Variants in NDUFAF6 observed in about 807,000 individuals in gnomAD.
NDUFAF6 encodes the protein NADH:ubiquinone oxidoreductase complex assembly factor 6.
Under a neutral mutation model 40.8 loss-of-function variants are expected in NDUFAF6, and 45 were observed. That is an observed-to-expected ratio of 1.10 (90% CI 0.87 to 1.42). NDUFAF6 has a LOEUF of 1.42. Among genes scored for constraint, NDUFAF6 ranks in the 40% most tolerant of loss-of-function variants. The pLI is 0.00. For missense variants in NDUFAF6, 435 were observed against 418.5 expected (o/e 1.04, Z -0.34); for synonymous variants, 185 against 155.9 (o/e 1.19, Z -1.39).
intron 2 of NDUFAF6, chr8:95,034,259 C>T: frequency 3.0e-6 from 1 of 333,146 alleles, no homozygotes; most frequent in South Asian, 2.4e-5. Context: ...TATCATGACC[C>T]TTATCGCTAT....
chr8:95,087,216 A>G (rs1809079863), intron 2 of NDUFAF6, among the ~76,000 whole-genome samples: 1 of 152,164 alleles, frequency 6.6e-6, no homozygotes, highest in African/African-American at 2.4e-5. Flanking sequence ...AGATCTGCAA[A>G]TACAACTTTT....
chr8:95,015,905 A>G (rs1174353428), intron 2 of NDUFAF6, among the ~76,000 whole-genome samples: 1 of 151,684 alleles, frequency 6.6e-6, no homozygotes, highest in Non-Finnish European at 1.5e-5. Context: ...AGCCAGATCA[A>G]GAATGAGAAA....
intron 1 of NDUFAF6, among the ~76,000 whole-genome samples, chr8:94,936,470 C>CG (rs1177335720): frequency 6.6e-6 from 1 of 152,160 alleles, no homozygotes; most frequent in Non-Finnish European, 1.5e-5. Flanking sequence ...CGTGAACAGA[C>CG]AGCATCTTGT....
rs183589288 is a variant in NDUFAF6 at position 95,037,550 on chromosome 8, C to G, written c.420+1974C>G. On this transcript the variant is annotated intron_variant, in intron 3 of 8. Transcript: ENST00000396124. ...GGAAGAGAGGCCTATGGGGAGAGTC[C>G]TGCCATGTAGTAGTAGTAGTAGTGC... 8.9e-4 allele frequency among the ~76,000 whole-genome samples: 135 copies of G among 152,288 alleles called. 2 individuals are homozygous for G. The East Asian group carries it at 0.025, about 28-fold the overall frequency.
intron 2 of NDUFAF6, among the ~76,000 whole-genome samples, chr8:94,985,509 A>G (rs1373532378): frequency 1.9e-4 from 1 of 5,338 alleles, no homozygotes. Flanking sequence ...ATATATATAT[A>G]TATATATTTT....
intron 8 of NDUFAF6, among the ~76,000 whole-genome samples, chr8:95,053,765 A>G (rs1256344394): frequency 6.6e-6 from 1 of 151,464 alleles, no homozygotes; most frequent in African/African-American, 2.4e-5. Context: ...AGCTGGGATT[A>G]CAGACATGCA....
At chr8:94,919,121 A>G (rs1052072781) in intron 1 of NDUFAF6, among the ~76,000 whole-genome samples, 1 of 152,190 alleles carries the variant, frequency 6.6e-6, no homozygotes, top group African/African-American at 2.4e-5. Flanking sequence ...TCTTACCCCA[A>G]TAGATGACTA....
In NDUFAF6 at chr8:95,065,786, T is replaced by C. The variant is rs1024844219; in HGVS notation, c.*512-9847T>C. Reference sequence around the variant, plus strand: ...GGTGGGATAGAACATGGGATTTATATACTTCTGTCACTTCTAGGTATAGTT... The same window carrying C: ...GGTGGGATAGAACATGGGATTTATACACTTCTGTCACTTCTAGGTATAGTT... On this transcript the variant is annotated intron_variant and NMD_transcript_variant, in intron 9 of 9. Transcript: ENST00000520757. Among the ~76,000 whole-genome samples the C allele has an allele frequency of 2.0e-5, 3 of 152,234 alleles. 1 individual carries two copies. The highest frequency in any genetic ancestry group is 7.2e-5 in the African/African-American group (3 of 41,464).
intron 1 of NDUFAF6, among the ~76,000 whole-genome samples, chr8:94,900,064 A>G (rs758584456): frequency 3.3e-5 from 5 of 152,126 alleles, no homozygotes; most frequent in Non-Finnish European, 7.3e-5. Context: ...TTTTCTAGAA[A>G]GCTGTCTTGC....
chr8:94,998,182 T>A (rs1351380741), intron 2 of NDUFAF6, among the ~76,000 whole-genome samples: 2 of 152,236 alleles, frequency 1.3e-5, no homozygotes, highest in Admixed American at 1.3e-4. Flanking sequence ...ATCTTGTCTT[T>A]CTTATATTCT....
chr8:94,921,919 A>C (rs895538051), intron 1 of NDUFAF6, among the ~76,000 whole-genome samples: 5 of 152,240 alleles, frequency 3.3e-5, no homozygotes, highest in African/African-American at 7.2e-5. Context: ...CTGGGAATTT[A>C]TTAGAAACAC....
At chr8:95,011,023 T>C (rs1827206787) in intron 2 of NDUFAF6, among the ~76,000 whole-genome samples, 2 of 152,204 alleles carry the variant, frequency 1.3e-5, no homozygotes, top group South Asian at 4.1e-4. Flanking sequence ...GTCTACCGCC[T>C]GCCTCCATCA....
upstream of NDUFAF6, chr8:95,024,901 G>C (rs905717125): frequency 6.1e-6 from 6 of 987,942 alleles, no homozygotes; most frequent in Non-Finnish European, 7.9e-6. Flanking sequence ...GGCGTCCAGA[G>C]GCTGCCTTCC....
intron 1 of NDUFAF6, among the ~76,000 whole-genome samples, chr8:94,943,373 T>C (rs1199096430): frequency 1.3e-5 from 2 of 152,146 alleles, no homozygotes; most frequent in South Asian, 4.1e-4. Flanking sequence ...CCTGTAGTCC[T>C]AGCTACTTGG....
At chr8:95,000,905 C>G (rs1826699479) in intron 2 of NDUFAF6, among the ~76,000 whole-genome samples, 2 of 151,906 alleles carry the variant, frequency 1.3e-5, no homozygotes, top group South Asian at 2.1e-4. Flanking sequence ...CCATTGCACT[C>G]CAGCTTGGGC....
chr8:95,007,668 T>TG (rs1451990787), intron 2 of NDUFAF6, among the ~76,000 whole-genome samples: 2 of 149,982 alleles, frequency 1.3e-5, no homozygotes, highest in Non-Finnish European at 3.0e-5. Flanking sequence ...TGTTTTTTTT[T>TG]TTTTTTTTTT....
intron 2 of NDUFAF6, chr8:95,088,061 C>T (rs1809107785): frequency 1.3e-5 from 2 of 152,358 alleles, no homozygotes; most frequent in Non-Finnish European, 2.9e-5. Context: ...CATGCTGGCC[C>T]TGGCACCTTG....
At chr8:95,102,044 C>T (rs180931295) in intron 2 of NDUFAF6, among the ~76,000 whole-genome samples, 3 of 151,992 alleles carry the variant, frequency 2.0e-5, no homozygotes, top group African/African-American at 7.2e-5. Flanking sequence ...GTTGCCCAGG[C>T]TGGACTGCAA....
chr8:95,047,508 CTTTTTTT>C (rs373655223), intron 6 of NDUFAF6, among the ~76,000 whole-genome samples: 3 of 126,422 alleles, frequency 2.4e-5, no homozygotes, highest in Non-Finnish European at 3.4e-5. Context: ...CTTTTCTTTT[CTTTTTTT>C]TTTTTTTTTT....
Sources: allele counts gnomAD v4.1 joint callset (sites outside exome capture counted in the v4.1 genomes callset), GRCh38; gene constraint gnomAD v4.1.1; transcripts MANE v1.5; gene names NCBI Gene and HGNC (gene_info 2026-07-23, HGNC 2026-07-21).